ZNF75A: variants seen among roughly 807,000 people sequenced by gnomAD.
ZNF75A encodes zinc finger protein 75A.
In ZNF75A, 36 loss-of-function variants were observed where a neutral mutation model predicts 46.3. The ratio of observed to expected loss-of-function variants is 0.78; its 90% CI spans 0.60 to 1.03. ZNF75A has a LOEUF of 1.03. Among genes scored for constraint, ZNF75A ranks in the 50% least tolerant of loss-of-function variants. ZNF75A has a pLI of 0.00. For synonymous variants in ZNF75A, 234 were observed against 189.9 expected, an observed-to-expected ratio of 1.23 and a Z score of -1.91; for missense variants, 595 against 551.3, an observed-to-expected ratio of 1.08 and a Z score of -0.79.
chr16:3,308,367 C>G lies in ZNF75A; in HGVS notation c.-62C>G. 1.0e-6 allele frequency: 1 copy of G among 967,370 alleles called. No homozygotes were observed. Among genetic ancestry groups the G allele is most frequent in the Non-Finnish European group, 1.2e-6 (1 of 813,090 alleles). The allele number at this position is 967,370 out of a possible 1,614,324, so 59.9% of individuals were successfully genotyped here. On this transcript the variant is annotated 5_prime_UTR_variant, in exon 2 of 7. Transcript: ENST00000669516. ...TTTTGTACAAGACCAGACAGGATCT[C>G]ATTTGTTAAACGTGGTACCAATTGG...
chr16:3,317,090 A>T (rs1010456507), intron 6 of ZNF75A, 68 bp downstream of exon 6: 1 of 1,540,720 alleles, frequency 6.5e-7, no homozygotes, highest in African/African-American at 1.4e-5. Context: ...TAACATTTTA[A>T]GATTTTGTTC....
intron 2 of ZNF75A, 106 bp from the exon 3 acceptor site, chr16:3,311,646 TA>T: frequency 2.3e-6 from 1 of 439,088 alleles, no homozygotes; most frequent in Non-Finnish European, 3.0e-6. Flanking sequence ...TCATTTTTTT[TA>T]GTGTCTTATA....
At position 3,317,297 on chromosome 16, in the gene ZNF75A, C is replaced by T. The variant is rs769203719; in HGVS notation, c.1042C>T (p.Pro348Ser). ...VISKKAKVKV[P>S]QKTAGKENHF... ...ATCAAAAAAGGCCAAAGTAAAAGTT[C>T]CCCAGAAAACAGCAGGCAAAGAAAA... is the stretch of plus-strand genomic sequence containing the variant. Residue 348 changes from proline (P) to serine (S), a missense_variant, in exon 7 of 7, where the codon CCC (proline) becomes TCC (serine). Physicochemically the swap from Pro to Ser is moderately conservative, Grantham distance 74. Transcript: ENST00000669516. 3.7e-6 allele frequency: 6 copies of T among 1,613,774 alleles called. No individual in the cohort carries two copies. In the South Asian group the frequency reaches 6.6e-5, roughly 18 times the overall value.
At chr16:3,313,282 C>A in intron 5 of ZNF75A, 107 bp downstream of exon 5, 1 of 1,175,490 alleles carries the variant, frequency 8.5e-7, no homozygotes, top group Non-Finnish European at 1.2e-6. Context: ...GGTTGATTCT[C>A]ATCTAGATGG....
At chr16:3,311,988 T>A in intron 3 of ZNF75A, 40 bp downstream of exon 3, 1 of 966,850 alleles carries the variant, frequency 1.0e-6, no homozygotes, top group Non-Finnish European at 1.2e-6. Flanking sequence ...CTGGGAGCTG[T>A]GATAATAGTT....
In ZNF75A at chr16:3,318,749, AGT is replaced by A; in HGVS notation, c.*888_*889del. The A allele has an allele frequency of 2.0e-6, 2 of 985,164 alleles. No individual in the cohort carries two copies. Among genetic ancestry groups the A allele is most frequent in the Non-Finnish European group, 2.4e-6 (2 of 829,850 alleles). The allele number at this position is 985,164 out of a possible 1,614,324, so 61.0% of individuals were successfully genotyped here. A position where few individuals can be genotyped will look rare whatever the true frequency, so the allele number is the denominator to read the frequency against. The stretch of plus-strand genomic sequence containing the variant: ...GAGACTTAATTTCCATGGGAGTTGG[AGT>A]GTGTGTGCTGCAGGCAGGATCCTGT... On this transcript the variant is annotated 3_prime_UTR_variant, in exon 7 of 7. Coordinates refer to ENST00000669516, the MANE Select transcript of ZNF75A (RefSeq NM_001302109.2).
downstream of ZNF75A, among the ~76,000 whole-genome samples, chr16:3,321,731 A>C (rs995603483): frequency 6.6e-6 from 1 of 152,168 alleles, no homozygotes; most frequent in African/African-American, 2.4e-5. Flanking sequence ...GGCCTCCCAA[A>C]GTACTGAGAT....
chr16:3,311,006 C>A, intron 2 of ZNF75A: 1 of 927,924 alleles, frequency 1.1e-6, no homozygotes, highest in Non-Finnish European at 1.3e-6. Flanking sequence ...AAAACCTTCG[C>A]TGGCTATAGG....
Position 3,317,200 on chromosome 16 carries a change from C to G in ZNF75A, c.945C>G (p.Leu315=), listed in dbSNP as rs1295885984. The G allele has an allele frequency of 6.2e-7, 1 of 1,610,024 alleles. No homozygotes were observed. Among genetic ancestry groups the G allele is most frequent in the Admixed American group, 1.7e-5 (1 of 59,410 alleles). The change falls in exon 7 of 7, where the codon CTC becomes CTG. Residue 315 remains leucine (L), a synonymous_variant. Transcript: ENST00000669516. The stretch of plus-strand genomic sequence containing the variant: ...TGTTTATTCCAACAGGGTTAAAGCT[C>G]AAAAACGACACTGAAAATCATCAGC... ...SAGKSPTGLK[L]KNDTENHQPV...
downstream of ZNF75A, chr16:3,323,118 T>A: frequency 1.8e-6 from 1 of 553,350 alleles, no homozygotes; most frequent in Non-Finnish European, 3.0e-6. Context: ...ATAAAAAAAA[T>A]CTCAAAAAAA....
intron 4 of ZNF75A, 21 bp from the exon 5 acceptor site, chr16:3,313,028 G>A: frequency 6.2e-7 from 1 of 1,604,754 alleles, no homozygotes; most frequent in Non-Finnish European, 8.5e-7. Context: ...GTTCTGAGCT[G>A]AAGTCCATTC....
At chr16:3,321,494 T>C (rs8056600), downstream of ZNF75A, among the ~76,000 whole-genome samples, 1,251 of 152,320 alleles carry the variant, frequency 8.2e-3, 20 homozygotes, top group African/African-American at 0.028. Flanking sequence ...ACCTCAGATA[T>C]ATTTTATTTT....
At chr16:3,310,624 C>A in intron 2 of ZNF75A, 1 of 976,886 alleles carries the variant, frequency 1.0e-6, no homozygotes, top group Non-Finnish European at 1.2e-6. Context: ...AGACCCCCGT[C>A]TCAAAACAAA....
rs1961328537 is a variant in ZNF75A, at chr16:3,317,680, A to C, written c.1425A>C (p.Thr475=). The change falls in exon 7 of 7, where the codon ACA becomes ACC. Residue 475 remains threonine, a synonymous_variant. Transcript: ENST00000669516. ...KSFSQNTNLH[T]HQRTHTGEKP... ...TCAGTCAAAATACAAATTTACATAC[A>C]CACCAAAGAACTCATACAGGAGAAA... 6.2e-7 allele frequency: 1 copy of C among 1,614,156 alleles called. No individual in the cohort carries two copies. The highest frequency in any genetic ancestry group is 8.5e-7 in the Non-Finnish European group (1 of 1,180,018).
At chr16:3,319,707 C>T (rs752125194), downstream of ZNF75A, among the ~76,000 whole-genome samples, 2 of 152,048 alleles carry the variant, frequency 1.3e-5, no homozygotes, top group African/African-American at 2.4e-5. Flanking sequence ...CTTTCCTGCT[C>T]CTTGCTCTAA....
At position 3,318,148 on chromosome 16, in the gene ZNF75A, G is replaced by T; in HGVS notation, c.*279G>T. 8.6e-7 allele frequency: 1 copy of T among 1,163,730 alleles called. No homozygotes were observed. Among genetic ancestry groups the T allele is most frequent in the Non-Finnish European group, 1.1e-6 (1 of 944,176 alleles). 72.1% of individuals were successfully genotyped at this position (1,163,730 alleles called of 1,614,324 possible). A position where few individuals can be genotyped will look rare whatever the true frequency, so the allele number is the denominator to read the frequency against. ...GCAGCATGGTCTTCCAAAACAAAAA[G>T]CAGTAACATGCATGTTTAATTGCAT... is the stretch of plus-strand genomic sequence containing the variant. On this transcript the variant is annotated 3_prime_UTR_variant, in exon 7 of 7. Transcript: ENST00000669516.
At chr16:3,305,962 T>A (rs74003360) in intron 1 of ZNF75A, 3 of 152,194 alleles carry the variant, frequency 2.0e-5, no homozygotes, top group Non-Finnish European at 4.4e-5. Context: ...GCCCGCAGAC[T>A]CTTTCCCGCC....
At position 3,317,556 on chromosome 16, in the gene ZNF75A, A is replaced by C. The variant is rs1476656733; in HGVS notation, c.1301A>C (p.Gln434Pro). 6.2e-7 allele frequency: 1 copy of C among 1,614,174 alleles called. No individual in the cohort carries two copies. Among genetic ancestry groups the C allele is most frequent in the East Asian group, 2.2e-5 (1 of 44,880 alleles). ...GAAGAGAAACCCTATAAATGTCAACAGTGTGATAAGAGGTTTAGATGGAGT... is the reference window on the plus strand; with the variant it reads ...GAAGAGAAACCCTATAAATGTCAACCGTGTGATAAGAGGTTTAGATGGAGT... ...HTEEKPYKCQ[Q>P]CDKRFRWSSD... The change falls in exon 7 of 7, where the codon CAG (glutamine) becomes CCG (proline). Residue 434 changes from glutamine (Q) to proline (P), a missense_variant. Gln to Pro is a moderately conservative substitution (Grantham distance 76). Coordinates refer to ENST00000669516, the MANE Select transcript of ZNF75A (RefSeq NM_001302109.2).
rs751704590 is a variant in ZNF75A at position 3,317,475 on chromosome 16, G to A, written c.1220G>A (p.Cys407Tyr). 1 of 1,614,066 alleles carries A rather than the reference G, an allele frequency of 6.2e-7. No individual in the cohort carries two copies. Among genetic ancestry groups the A allele is most frequent in the Non-Finnish European group, 8.5e-7 (1 of 1,179,990 alleles). The change falls in exon 7 of 7, where the codon TGT (cysteine) becomes TAT (tyrosine). Residue 407 changes from cysteine (C) to tyrosine (Y), a missense_variant. By Grantham distance (194) the Cys-to-Tyr change is radical (BLOSUM62 -2). Transcript: ENST00000669516. ...AREKPFKCQE[C>Y]GKTFRVSSDL... ...GAGAAGCCTTTTAAATGTCAGGAAT[G>A]TGGGAAAACCTTCAGAGTTAGCTCT...
Sources: allele counts gnomAD v4.1 joint callset (sites outside exome capture counted in the v4.1 genomes callset), GRCh38; gene constraint gnomAD v4.1.1; transcripts MANE v1.5; gene names NCBI Gene and HGNC (gene_info 2026-07-23, HGNC 2026-07-21).